ARHGAP15: variants seen among roughly 807,000 people sequenced by gnomAD.
The protein encoded by ARHGAP15 is rho GTPase-activating protein 15.
Under a neutral mutation model 63.7 loss-of-function variants are expected in ARHGAP15, and 51 were observed. That is an observed-to-expected ratio of 0.80 (90% CI 0.64 to 1.01). ARHGAP15 has a LOEUF of 1.01. Ranked by LOEUF, ARHGAP15 falls within the 50% of genes least tolerant of loss-of-function variation. The probability of loss-of-function intolerance (pLI) is 0.00; values close to 1 mark genes in which losing one functional copy is unlikely to be tolerated. For synonymous variants in ARHGAP15, 191 were observed against 193.8 expected (o/e 0.99, Z 0.12); for missense variants, 560 against 564.6 (o/e 0.99, Z 0.08).
At chr2:143,224,008 T>C (rs933282056) in intron 4 of ARHGAP15, among the ~76,000 whole-genome samples, 2 of 152,256 alleles carry the variant, frequency 1.3e-5, no homozygotes, top group African/African-American at 4.8e-5. Flanking sequence ...CCATCTCTTT[T>C]CAGCCCTTAG....
chr2:143,375,562 C>T (rs934920309), intron 6 of ARHGAP15, among the ~76,000 whole-genome samples: 10 of 152,148 alleles, frequency 6.6e-5, no homozygotes, highest in Admixed American at 1.3e-4. Flanking sequence ...GTTAGAACAA[C>T]AGTGCAAGGG....
At chr2:143,520,562 T>G (rs1559025051) in intron 10 of ARHGAP15, among the ~76,000 whole-genome samples, 1 of 152,098 alleles carries the variant, frequency 6.6e-6, no homozygotes, top group African/African-American at 2.4e-5. Context: ...AGGATGAACA[T>G]GAGGAGAGGT....
chr2:143,214,125 G>A (rs572493648), intron 3 of ARHGAP15, among the ~76,000 whole-genome samples: 56 of 152,182 alleles, frequency 3.7e-4, no homozygotes, highest in African/African-American at 1.3e-3. Flanking sequence ...TGTCTACCGA[G>A]GGATCTTTTG....
chr2:143,765,109 ATGTGTGTGTGTGTGTG>A (rs60894627), intron 13 of ARHGAP15, among the ~76,000 whole-genome samples: 7 of 147,620 alleles, frequency 4.7e-5, no homozygotes, highest in South Asian at 4.3e-4. Flanking sequence ...CCTCTAAAAT[ATGTGTGTGTGTGTGTG>A]TGTGTGTGTG....
At position 143,690,811 on chromosome 2, in the gene ARHGAP15, C is replaced by CT. The variant is rs35416401; in HGVS notation, c.1139-12600dup. On this transcript the variant is annotated intron_variant, in intron 12 of 13. Transcript: ENST00000295095. The stretch of plus-strand genomic sequence containing the variant: ...ATACCATCCAGATGCTCAAGTCAGC[C>CT]TTTTTTTTGGCAGACAGCTAAAAAC... Among the ~76,000 whole-genome samples the CT allele has an allele frequency of 1.1e-3, 164 of 151,758 alleles. 2 individuals carry two copies. The highest frequency in any genetic ancestry group is 3.3e-3 in the African/African-American group (136 of 41,394).
chr2:143,372,432 A>C (rs1686604677), intron 6 of ARHGAP15, among the ~76,000 whole-genome samples: 1 of 151,632 alleles, frequency 6.6e-6, no homozygotes, highest in Non-Finnish European at 1.5e-5. Flanking sequence ...TAATCTACTC[A>C]TGTACATGTG....
Position 143,401,965 on chromosome 2 carries a change from A to G in ARHGAP15, c.475-33636A>G, listed in dbSNP as rs1446474574. 2.6e-5 allele frequency among the ~76,000 whole-genome samples: 4 copies of G among 152,110 alleles called. No homozygotes were observed. The East Asian group carries it at 5.8e-4, about 22-fold the overall frequency. On this transcript the variant is annotated intron_variant, in intron 6 of 13. Coordinates refer to ENST00000295095, the MANE Select transcript of ARHGAP15 (RefSeq NM_018460.4). ...TTTAAAATGATAAGGTGCTCTGAACACTTGTTATGTGGATAGGTCTGACGT... is the reference window on the plus strand; with the variant it reads ...TTTAAAATGATAAGGTGCTCTGAACGCTTGTTATGTGGATAGGTCTGACGT...
At chr2:143,463,336 G>C (rs769167923) in intron 8 of ARHGAP15, among the ~76,000 whole-genome samples, 3 of 152,092 alleles carry the variant, frequency 2.0e-5, no homozygotes, top group African/African-American at 4.8e-5. Flanking sequence ...GAGGTCAAAA[G>C]TTTGGGACTA....
chr2:143,615,823 G>A (rs1353836479), intron 11 of ARHGAP15, among the ~76,000 whole-genome samples: 1 of 152,150 alleles, frequency 6.6e-6, no homozygotes, highest in East Asian at 1.9e-4. Flanking sequence ...AGTACGTAAT[G>A]TATGAAATCA....
chr2:143,314,470 A>G (rs1393058048), intron 6 of ARHGAP15: 1 of 152,252 alleles, frequency 6.6e-6, no homozygotes, highest in Non-Finnish European at 1.5e-5. Context: ...GGCAACGTGC[A>G]GAAGCACATT....
At chr2:143,734,322 C>G (rs1685662726) in intron 13 of ARHGAP15, among the ~76,000 whole-genome samples, 1 of 152,140 alleles carries the variant, frequency 6.6e-6, no homozygotes. Context: ...CACTGAGGAC[C>G]AATTCCTGTG....
At chr2:143,549,981 G>T (rs1360092901) in intron 10 of ARHGAP15, among the ~76,000 whole-genome samples, 1 of 152,060 alleles carries the variant, frequency 6.6e-6, no homozygotes, top group Non-Finnish European at 1.5e-5. Flanking sequence ...AATCATAAGG[G>T]TAATCCAATA....
chr2:143,628,806 T>C (rs1698946162), intron 12 of ARHGAP15, among the ~76,000 whole-genome samples: 1 of 152,220 alleles, frequency 6.6e-6, no homozygotes, highest in South Asian at 2.1e-4. Flanking sequence ...CTTAAAATGG[T>C]TTCTGTTTTT....
At chr2:143,171,778 G>T (rs76187479) in intron 2 of ARHGAP15, among the ~76,000 whole-genome samples, 239 of 152,120 alleles carry the variant, frequency 1.6e-3, no homozygotes, top group African/African-American at 5.5e-3. Flanking sequence ...ACCATTAAAG[G>T]TTCCATTTGG....
chr2:143,263,286 T>G (rs1303359716), intron 6 of ARHGAP15, among the ~76,000 whole-genome samples: 1 of 152,156 alleles, frequency 6.6e-6, no homozygotes, highest in Admixed American at 6.6e-5. Context: ...TCAGCATTCT[T>G]AAAGATCTGG....
chr2:143,511,755 A>G (rs1693600771), intron 9 of ARHGAP15, among the ~76,000 whole-genome samples: 1 of 152,186 alleles, frequency 6.6e-6, no homozygotes, highest in African/African-American at 2.4e-5. Context: ...CATGGCTCAA[A>G]TGGATTTCTA....
At chr2:143,601,184 G>C (rs1182982817) in intron 11 of ARHGAP15, among the ~76,000 whole-genome samples, 1 of 152,032 alleles carries the variant, frequency 6.6e-6, no homozygotes, top group Non-Finnish European at 1.5e-5. Context: ...TCCAAACACT[G>C]TTCAATTTCT....
chr2:143,468,742 CTA>C (rs1256874456), intron 8 of ARHGAP15, among the ~76,000 whole-genome samples: 1 of 151,246 alleles, frequency 6.6e-6, no homozygotes, highest in East Asian at 1.9e-4. Context: ...GTGGCTGAGA[CTA>C]TTTGAATTGA....
At chr2:143,525,521 A>G (rs1383849478) in intron 10 of ARHGAP15, among the ~76,000 whole-genome samples, 2 of 151,910 alleles carry the variant, frequency 1.3e-5, no homozygotes. Context: ...ATGCATTTAC[A>G]ATGGAGGTGA....
Sources: allele counts gnomAD v4.1 joint callset (sites outside exome capture counted in the v4.1 genomes callset), GRCh38; gene constraint gnomAD v4.1.1; transcripts MANE v1.5; gene names NCBI Gene and HGNC (gene_info 2026-07-23, HGNC 2026-07-21).